The following LTBP1 variants were observed in gnomAD, a reference collection of about 807,000 sequenced individuals.
LTBP1 encodes latent-transforming growth factor beta-binding protein 1.
In LTBP1, 129 loss-of-function variants were observed where a neutral mutation model predicts 207.6. That is an observed-to-expected ratio of 0.62 (90% CI 0.54 to 0.72). LTBP1 has a LOEUF of 0.72. Among genes scored for constraint, LTBP1 ranks in the 30% least tolerant of loss-of-function variants. LTBP1 has a pLI of 0.00. For synonymous variants in LTBP1, 963 were observed against 833.7 expected (o/e 1.16, Z -2.67); for missense variants, 2,281 against 2,217.2 (o/e 1.03, Z -0.58).
intron 5 of LTBP1, among the ~76,000 whole-genome samples, chr2:33,164,323 C>G (rs555457978): frequency 7.8e-6 from 1 of 129,004 alleles, no homozygotes. Flanking sequence ...GCACTCCAGC[C>G]TGGGTGACAG....
intron 21 of LTBP1, among the ~76,000 whole-genome samples, 193 bp downstream of exon 21, chr2:33,300,766 C>G (rs906740083): frequency 1.3e-5 from 2 of 152,096 alleles, no homozygotes; most frequent in African/African-American, 4.8e-5. Flanking sequence ...ATTTGAAAAC[C>G]TATGGCATTA....
At chr2:33,054,907 T>G (rs1198271536) in intron 3 of LTBP1, among the ~76,000 whole-genome samples, 2 of 152,164 alleles carry the variant, frequency 1.3e-5, no homozygotes, top group African/African-American at 4.8e-5. Context: ...CTTCCAGTGA[T>G]TGCCTCGGCA....
intron 5 of LTBP1, among the ~76,000 whole-genome samples, chr2:33,145,373 T>TA (rs1336394727): frequency 6.6e-6 from 1 of 152,206 alleles, no homozygotes; most frequent in Non-Finnish European, 1.5e-5. Context: ...ATGGGGACTT[T>TA]ATAAGTTTTC....
At chr2:32,997,562 C>T (rs542190186) in intron 2 of LTBP1, among the ~76,000 whole-genome samples, 76 of 152,166 alleles carry the variant, frequency 5.0e-4, no homozygotes, top group South Asian at 1.5e-3. Context: ...AAATGGAGAG[C>T]GGCTTCCCCT....
chr2:33,090,794 A>G (rs1283300302), intron 3 of LTBP1, among the ~76,000 whole-genome samples: 4 of 152,238 alleles, frequency 2.6e-5, no homozygotes, highest in Admixed American at 6.5e-5. Context: ...TAAAATAGCA[A>G]TGAAATATAA....
chr2:32,967,339 A>G (rs1276193034), intron 2 of LTBP1, among the ~76,000 whole-genome samples: 1 of 151,700 alleles, frequency 6.6e-6, no homozygotes, highest in Non-Finnish European at 1.5e-5. Context: ...AATTTTCATT[A>G]TTTCTTTTCC....
chr2:33,178,772 G>A (rs2086324805), intron 5 of LTBP1, among the ~76,000 whole-genome samples: 1 of 152,194 alleles, frequency 6.6e-6, no homozygotes, highest in Non-Finnish European at 1.5e-5. Flanking sequence ...TCACCACCAT[G>A]TTGGTTTGTT....
chr2:33,181,395 A>G (rs2086619685), intron 5 of LTBP1, among the ~76,000 whole-genome samples: 1 of 152,222 alleles, frequency 6.6e-6, no homozygotes, highest in Admixed American at 6.5e-5. Context: ...AAGTTGTTTT[A>G]CAGACCAAAG....
intron 12 of LTBP1, 37 bp from the exon 13 acceptor site, chr2:33,259,551 A>T (rs1276104381): frequency 1.3e-6 from 2 of 1,506,998 alleles, no homozygotes; most frequent in East Asian, 2.3e-5. Flanking sequence ...GAATTGTCTT[A>T]AATGGTACTA....
In LTBP1 at chr2:33,310,193, C is replaced by T. The variant is rs908455343; in HGVS notation, c.3604+637C>T. Among the ~76,000 whole-genome samples, 13 of 152,100 alleles carry T rather than the reference C, an allele frequency of 8.5e-5. No individual in the cohort carries two copies. In the East Asian group the frequency reaches 9.7e-4, roughly 11 times the overall value. The stretch of plus-strand genomic sequence containing the variant: ...TGAACACCTGACCTCGTGATCCACC[C>T]GCTTTGGCCTCCAAAATGCTGGGAT... On this transcript the variant is annotated intron_variant, in intron 23 of 33. Coordinates refer to ENST00000404816, the MANE Select transcript of LTBP1 (RefSeq NM_206943.4).
At chr2:33,264,099 CA>C (rs1278645307) in intron 15 of LTBP1, among the ~76,000 whole-genome samples, 3 of 150,608 alleles carry the variant, frequency 2.0e-5, no homozygotes, top group South Asian at 2.1e-4. Flanking sequence ...ACTAAAAATA[CA>C]AAAAAATTAG....
chr2:33,097,538 A>T (rs899753653), intron 3 of LTBP1, among the ~76,000 whole-genome samples: 5 of 152,288 alleles, frequency 3.3e-5, no homozygotes, highest in Non-Finnish European at 7.4e-5. Context: ...CCATGTTTTT[A>T]AAAAAATCAT....
At chr2:32,992,634 C>T (rs955399516) in intron 2 of LTBP1, among the ~76,000 whole-genome samples, 3 of 152,242 alleles carry the variant, frequency 2.0e-5, no homozygotes, top group East Asian at 1.9e-4. Context: ...CACAGAGCTT[C>T]GGCATCTTAG....
At chr2:33,008,206 T>G (rs1205093731) in intron 2 of LTBP1, among the ~76,000 whole-genome samples, 1 of 152,224 alleles carries the variant, frequency 6.6e-6, no homozygotes, top group African/African-American at 2.4e-5. Flanking sequence ...TTATACATGT[T>G]GATAATAGTG....
At chr2:33,135,447 G>C (rs2082067285) in intron 5 of LTBP1, among the ~76,000 whole-genome samples, 1 of 152,164 alleles carries the variant, frequency 6.6e-6, no homozygotes. Flanking sequence ...CTTGGTTGTA[G>C]AAAAGGATAC....
intron 3 of LTBP1, among the ~76,000 whole-genome samples, chr2:33,095,040 A>T (rs1427599974): frequency 2.6e-5 from 4 of 152,196 alleles, no homozygotes; most frequent in Admixed American, 2.6e-4. Context: ...CCCCTTTTGT[A>T]GTCTAATTAC....
At chr2:33,046,339 G>A (rs1024699015) in intron 3 of LTBP1, among the ~76,000 whole-genome samples, 7 of 152,140 alleles carry the variant, frequency 4.6e-5, no homozygotes, top group African/African-American at 1.7e-4. Context: ...GTTGAATTTT[G>A]TGGAAGGCCT....
At chr2:33,219,689 T>G (rs1332139352) in intron 8 of LTBP1, among the ~76,000 whole-genome samples, 1 of 152,176 alleles carries the variant, frequency 6.6e-6, no homozygotes, top group Non-Finnish European at 1.5e-5. Context: ...TAAGTCTATG[T>G]TCTCTAATAT....
chr2:33,054,229 TTGTACTCCTAGAATTGGGG>T (rs1404554250), intron 3 of LTBP1, among the ~76,000 whole-genome samples: 3 of 152,232 alleles, frequency 2.0e-5, no homozygotes, highest in Admixed American at 1.3e-4. Flanking sequence ...CGTTCGGTTT[TTGTACTCCTAGAATTGGGG>T]TGTTGCAGGG....
Sources: gnomAD v4.1 joint callset for allele counts (sites outside exome capture counted in the v4.1 genomes callset) on GRCh38, gnomAD v4.1.1 for gene constraint, MANE v1.5 for transcripts, NCBI Gene and HGNC (gene_info 2026-07-23, HGNC 2026-07-21) for gene names.